The following APPBP2 variants were observed in gnomAD, a reference collection of about 807,000 sequenced individuals.
APPBP2 encodes amyloid beta precursor protein binding protein 2.
In APPBP2, 15 loss-of-function variants were observed where a neutral mutation model predicts 76.0. The ratio of observed to expected loss-of-function variants is 0.20; its 90% CI spans 0.13 to 0.30. The LOEUF is 0.30. Among genes scored for constraint, APPBP2 ranks in the 10% least tolerant of loss-of-function variants. The probability of loss-of-function intolerance (pLI) is 1.00; values close to 1 mark genes in which losing one functional copy is unlikely to be tolerated. For missense variants in APPBP2, 401 were observed against 687.2 expected, an observed-to-expected ratio of 0.58 and a Z score of 4.66; for synonymous variants, 222 against 242.2, an observed-to-expected ratio of 0.92 and a Z score of 0.77.
At chr17:60,516,140 G>A (rs1183017707) in intron 1 of APPBP2, among the ~76,000 whole-genome samples, 2 of 151,678 alleles carry the variant, frequency 1.3e-5, no homozygotes, top group Admixed American at 6.6e-5. Flanking sequence ...TCCTGCCTCG[G>A]AGGAAGAGTG....
intron 3 of APPBP2, among the ~76,000 whole-genome samples, chr17:60,486,361 C>T (rs1025805656): frequency 6.6e-6 from 1 of 152,104 alleles, no homozygotes; most frequent in Non-Finnish European, 1.5e-5. Context: ...TAAGGACTTG[C>T]CTTATGAATC....
chr17:60,465,316 T>C (rs1338487139), intron 5 of APPBP2, among the ~76,000 whole-genome samples: 1 of 152,224 alleles, frequency 6.6e-6, no homozygotes, highest in Non-Finnish European at 1.5e-5. Context: ...GAAACTTTTA[T>C]TGTTCCAAGC....
intron 3 of APPBP2, among the ~76,000 whole-genome samples, chr17:60,493,411 T>C (rs2090746917): frequency 6.6e-6 from 1 of 152,194 alleles, no homozygotes; most frequent in African/African-American, 2.4e-5. Flanking sequence ...GAAAACCATA[T>C]AAAATTGTAT....
In APPBP2 at chr17:60,443,971, A is replaced by C. The variant is rs8073690; in HGVS notation, c.*3610T>G. 0.12 allele frequency: 17,922 copies of C among 152,292 alleles called. 3,495 individuals are homozygous for C. Among genetic ancestry groups the C allele is most frequent in the African/African-American group, 0.41 (16,856 of 41,348 alleles). The allele number at this position is 152,292 out of a possible 1,614,324, so 9.4% of individuals were successfully genotyped here. On this transcript the variant is annotated 3_prime_UTR_variant, in exon 13 of 13. Transcript: ENST00000083182. ...AATCCAAATGTCATATTAACAACAA[A>C]AAATTTCCTAGCCAGGCGTGGTGGC...
intron 1 of APPBP2, among the ~76,000 whole-genome samples, chr17:60,518,536 G>A (rs1175019712): frequency 6.6e-6 from 1 of 151,942 alleles, no homozygotes; most frequent in East Asian, 1.9e-4. Context: ...GTGAAAGAGA[G>A]AGAGACAGGG....
In APPBP2 at chr17:60,525,868, C is replaced by T. The variant is rs145482371; in HGVS notation, c.64G>A (p.Val22Met). 31 of 1,613,894 alleles carry T rather than the reference C, an allele frequency of 1.9e-5. No homozygotes were observed. The highest frequency in any genetic ancestry group is 2.4e-5 in the Non-Finnish European group (28 of 1,179,990). ...CGGCGGGAGCGGATGTAGTTGTCCA[C>T]GACAGCGGAGATGGCGGTGTTATAG... ...TLYNTAISAV[V>M]DNYIRSRRDI... Residue 22 changes from valine (V) to methionine (M), a missense_variant, in exon 1 of 13, where the codon GTG (valine) becomes ATG (methionine). Coordinates refer to ENST00000083182, the MANE Select transcript of APPBP2 (RefSeq NM_006380.5).
chr17:60,515,935 C>T (rs2090959617), intron 1 of APPBP2, among the ~76,000 whole-genome samples: 1 of 152,176 alleles, frequency 6.6e-6, no homozygotes, highest in East Asian at 1.9e-4. Context: ...GAGGCCGAGA[C>T]AGGCAGATCA....
intron 1 of APPBP2, chr17:60,513,405 C>G (rs991429447): frequency 3.1e-5 from 21 of 671,366 alleles, no homozygotes; most frequent in Non-Finnish European, 5.0e-5. Flanking sequence ...TGCTTGTGAT[C>G]ACCTATCGGG....
rs753633178 is a variant in APPBP2, at chr17:60,507,975, C to CT, written c.139-7489dup. On this transcript the variant is annotated intron_variant, in intron 1 of 12. Transcript: ENST00000083182. ...GCCAAGTTGTTTCTTTTTTTTCCTT[C>CT]TTTTTTTTTTTTTTGGAGACAGGGT... 1.6e-3 allele frequency among the ~76,000 whole-genome samples: 228 copies of CT among 141,084 alleles called. 1 individual carries two copies. Among genetic ancestry groups the CT allele is most frequent in the South Asian group, 2.7e-3 (12 of 4,450 alleles). 92.6% of individuals were successfully genotyped at this position (141,084 alleles called of 152,430 possible). A position where few individuals can be genotyped will look rare whatever the true frequency, so the allele number is the denominator to read the frequency against.
rs780381703 is a variant in APPBP2 at position 60,514,169 on chromosome 17, T to C, written c.138+11625A>G. Among the ~76,000 whole-genome samples, 52 of 152,006 alleles carry C rather than the reference T, an allele frequency of 3.4e-4. 1 individual carries two copies. Among genetic ancestry groups the C allele is most frequent in the Non-Finnish European group, 4.7e-4 (32 of 67,990 alleles). The stretch of plus-strand genomic sequence containing the variant: ...AAAAAATACAAAAATTAGCTGAGCA[T>C]GCAGTACACACCTGTAAGTCCCAGC... On this transcript the variant is annotated intron_variant, in intron 1 of 12. Transcript: ENST00000083182.
In APPBP2 at chr17:60,468,339, T is replaced by C. The variant is rs2090526719; in HGVS notation, c.504-1880A>G. The C allele has an allele frequency of 2.0e-5, 3 of 152,170 alleles. No individual in the cohort carries two copies. The South Asian group carries it at 6.2e-4, about 32-fold the overall frequency. The allele number at this position is 152,170 out of a possible 1,614,324, so 9.4% of individuals were successfully genotyped here. ...AAAAAGTCCTTGAGAAAAAAAGGATTAGTATTTGAAACACAGATTTGATAG... is the reference window on the plus strand; with the variant it reads ...AAAAAGTCCTTGAGAAAAAAAGGATCAGTATTTGAAACACAGATTTGATAG... On this transcript the variant is annotated intron_variant, in intron 4 of 12. Coordinates refer to ENST00000083182, the MANE Select transcript of APPBP2 (RefSeq NM_006380.5).
chr17:60,500,610 C>G (rs988207289), intron 1 of APPBP2, 123 bp from the exon 2 acceptor site: 1 of 706,878 alleles, frequency 1.4e-6, no homozygotes, highest in Non-Finnish European at 2.4e-6. Context: ...AGAAATGTAA[C>G]ACTAACAAAT....
intron 4 of APPBP2, 89 bp from the exon 5 acceptor site, chr17:60,466,548 G>A: frequency 7.8e-7 from 1 of 1,282,276 alleles, no homozygotes; most frequent in Non-Finnish European, 1.1e-6. Context: ...AATGACTTAA[G>A]GTAATTAAAT....
intron 3 of APPBP2, among the ~76,000 whole-genome samples, chr17:60,492,407 G>T (rs1463525460): frequency 1.3e-5 from 2 of 152,180 alleles, no homozygotes; most frequent in East Asian, 3.9e-4. Context: ...CAGATCCACT[G>T]AAAGCTTGCA....
intron 11 of APPBP2, among the ~76,000 whole-genome samples, chr17:60,453,753 A>G (rs1400720723): frequency 6.6e-6 from 1 of 151,858 alleles, no homozygotes; most frequent in Non-Finnish European, 1.5e-5. Context: ...TGACCAGGCT[A>G]ATCTTCAACT....
intron 1 of APPBP2, among the ~76,000 whole-genome samples, chr17:60,520,809 G>A (rs1377715406): frequency 1.3e-5 from 2 of 151,962 alleles, no homozygotes; most frequent in South Asian, 2.1e-4. Flanking sequence ...AGATCCTCCC[G>A]GCTCAGCCTC....
intron 3 of APPBP2, among the ~76,000 whole-genome samples, chr17:60,494,177 G>A (rs2090754040): frequency 6.6e-6 from 1 of 152,150 alleles, no homozygotes; most frequent in African/African-American, 2.4e-5. Context: ...TCTAAACTTA[G>A]CTCTACTACT....
In APPBP2 at chr17:60,466,558, T is replaced by C. The variant is rs1438601641; in HGVS notation, c.504-99A>G. ...ACCTGAATGACTTAAGGTAATTAAA[T>C]ACAATTACAAGGCAGCATTGAAAAT... On this transcript the variant is annotated intron_variant, in intron 4 of 12. Transcript: ENST00000083182. 4.2e-6 allele frequency: 5 copies of C among 1,177,502 alleles called. No homozygotes were observed. The African/African-American group carries it at 4.6e-5, about 11-fold the overall frequency. 72.9% of individuals were successfully genotyped at this position (1,177,502 alleles called of 1,614,324 possible). A position where few individuals can be genotyped will look rare whatever the true frequency, so the allele number is the denominator to read the frequency against.
chr17:60,524,433 T>C (rs892903189), intron 1 of APPBP2, among the ~76,000 whole-genome samples: 9 of 151,964 alleles, frequency 5.9e-5, no homozygotes, highest in African/African-American at 1.9e-4. Flanking sequence ...CAAAAGTAAA[T>C]CAATGTATCA....
Sources: allele counts gnomAD v4.1 joint callset (sites outside exome capture counted in the v4.1 genomes callset), GRCh38; gene constraint gnomAD v4.1.1; transcripts MANE v1.5; gene names NCBI Gene and HGNC (gene_info 2026-07-23, HGNC 2026-07-21).